Variants in PRKDC observed in about 807,000 individuals in gnomAD.
PRKDC encodes DNA-dependent protein kinase catalytic subunit.
PRKDC carries 82 observed loss-of-function variants against 486.9 expected under a neutral mutation model. That is an observed-to-expected ratio of 0.17 (90% CI 0.14 to 0.20). The LOEUF is 0.20. Ranked by LOEUF, PRKDC falls within the 10% of genes least tolerant of loss-of-function variation. The probability of loss-of-function intolerance (pLI) is 1.00; values close to 1 mark genes in which losing one functional copy is unlikely to be tolerated. For synonymous variants in PRKDC, 1,895 were observed against 1,837.0 expected (o/e 1.03, Z -0.81); for missense variants, 4,504 against 5,038.2 (o/e 0.89, Z 3.21).
At chr8:47,901,627 G>A (rs1222134059) in intron 27 of PRKDC, among the ~76,000 whole-genome samples, 1 of 152,184 alleles carries the variant, frequency 6.6e-6, no homozygotes, top group Admixed American at 6.5e-5. Flanking sequence ...TCTGTCCCTT[G>A]CATCTGCAGA....
intron 40 of PRKDC, among the ~76,000 whole-genome samples, chr8:47,877,510 T>A (rs904486808): frequency 6.6e-6 from 1 of 152,234 alleles, no homozygotes; most frequent in Admixed American, 6.5e-5. Flanking sequence ...CTGAACTTTG[T>A]TCAATCTGGG....
rs767469866 is a variant in PRKDC, at chr8:47,912,519, A to G, written c.2825T>C (p.Leu942Ser). The G allele has an allele frequency of 1.2e-6, 2 of 1,612,712 alleles. No individual in the cohort carries two copies. Among genetic ancestry groups the G allele is most frequent in the South Asian group, 2.2e-5 (2 of 90,808 alleles). Reference protein sequence around the residue: ...ELLHSMVMFMLGKATQMPEGG... With the variant: ...ELLHSMVMFMSGKATQMPEGG... The stretch of plus-strand genomic sequence containing the variant: ...TTCTGGCATCTGCGTGGCTTTGCCC[A>G]ACATAAACATAACCATGCTATGTAA... The change falls in exon 25 of 86, where the codon TTG (leucine) becomes TCG (serine). Residue 942 changes from leucine (L) to serine (S), a missense_variant. By Grantham distance (145) the Leu-to-Ser change is moderately radical (BLOSUM62 -2). Around this residue, in one of 6 missense-constraint regions of PRKDC, gnomAD observed 1,969 missense variants for 2,068.9 expected, o/e 0.95. Coordinates refer to ENST00000314191, the MANE Select transcript of PRKDC (RefSeq NM_006904.7).
chr8:47,857,189 A>G lies in PRKDC; in HGVS notation c.6576T>C (p.Thr2192=). 1 of 1,613,978 alleles carries G rather than the reference A, an allele frequency of 6.2e-7. No homozygotes were observed. Among genetic ancestry groups the G allele is most frequent in the South Asian group, 1.1e-5 (1 of 91,068 alleles). The part of the protein sequence containing the change: ...IHYMVVEIVA[T]ILSWTGLATP... Reference sequence around the variant, plus strand: ...TGGCCAAGCCTGTCCATGAAAGAATAGTGGCCACTATCTCAACCACCATGT... The same window carrying G: ...TGGCCAAGCCTGTCCATGAAAGAATGGTGGCCACTATCTCAACCACCATGT... The change falls in exon 49 of 86, where the codon ACT becomes ACC. Residue 2192 remains threonine, a synonymous_variant. Transcript: ENST00000314191.
At chr8:47,890,555 G>A in intron 31 of PRKDC, 75 bp from the exon 32 acceptor site, 4 of 1,151,628 alleles carry the variant, frequency 3.5e-6, no homozygotes, top group Non-Finnish European at 4.9e-6. Flanking sequence ...AATTGCTTCT[G>A]TAAGTATAGG....
intron 76 of PRKDC, among the ~76,000 whole-genome samples, 194 bp downstream of exon 76, chr8:47,788,709 CCTG>C (rs2086834044): frequency 6.6e-6 from 1 of 152,200 alleles, no homozygotes. Flanking sequence ...TACTGACTCA[CCTG>C]CTACCAGCCG....
In PRKDC at chr8:47,860,838, A is replaced by G. The variant is rs8178132; in HGVS notation, c.6058+61T>C. 2.0e-5 allele frequency: 27 copies of G among 1,349,266 alleles called. No homozygotes were observed. The South Asian group carries it at 3.2e-4, about 16-fold the overall frequency. 83.6% of individuals were successfully genotyped at this position (1,349,266 alleles called of 1,614,324 possible). Reference sequence around the variant, plus strand: ...TTTACTCCTCTATTTGTCTTAGAACAAAACAAAACAAAATAACCCATCGAT... The same window carrying G: ...TTTACTCCTCTATTTGTCTTAGAACGAAACAAAACAAAATAACCCATCGAT... On this transcript the variant is annotated intron_variant, in intron 45 of 85. Coordinates refer to ENST00000314191, the MANE Select transcript of PRKDC (RefSeq NM_006904.7).
At position 47,785,200 on chromosome 8, in the gene PRKDC, A is replaced by G. The variant is rs2086771483; in HGVS notation, c.11020T>C (p.Ser3674Pro). Residue 3674 changes from serine (S) to proline (P), a missense_variant, in exon 77 of 86, where the codon TCA becomes CCA. This residue lies in a region of PRKDC where 706 missense variants were observed against 945.0 expected (regional missense o/e 0.75). Coordinates refer to ENST00000314191, the MANE Select transcript of PRKDC (RefSeq NM_006904.7). ...NMLLLKMNKD[S>P]KPPGNLKECS... ...TCTTTCAGATTCCCAGGGGGCTTTGAGTCTTTGTTCATTTTTAAAAGTAGC... is the reference window on the plus strand; with the variant it reads ...TCTTTCAGATTCCCAGGGGGCTTTGGGTCTTTGTTCATTTTTAAAAGTAGC... 6.2e-7 allele frequency: 1 copy of G among 1,613,872 alleles called. No homozygotes were observed. The highest frequency in any genetic ancestry group is 8.5e-7 in the Non-Finnish European group (1 of 1,179,860).
chr8:47,847,858 A>G (rs1354709499), intron 54 of PRKDC, among the ~76,000 whole-genome samples: 1 of 147,824 alleles, frequency 6.8e-6, no homozygotes, highest in Non-Finnish European at 1.5e-5. Flanking sequence ...CTCAAAAGAC[A>G]TAAAAGCGGC....
intron 77 of PRKDC, 98 bp downstream of exon 77, chr8:47,785,015 G>A: frequency 8.6e-7 from 1 of 1,160,146 alleles, no homozygotes. Flanking sequence ...AGAAATAACT[G>A]TCAATATCCC....
rs189007458 is a variant in PRKDC at position 47,817,408 on chromosome 8, C to G, written c.9557+42G>C. The G allele has an allele frequency of 2.3e-5, 32 of 1,380,712 alleles. No individual in the cohort carries two copies. In the African/African-American group the frequency reaches 3.7e-4, roughly 16 times the overall value. The allele number at this position is 1,380,712 out of a possible 1,614,324, so 85.5% of individuals were successfully genotyped here. ...GGAAGAAAAACCATTCCAACAATTT[C>G]AAAAAACAATCCACATTTGACTGAA... is the stretch of plus-strand genomic sequence containing the variant. On this transcript the variant is annotated intron_variant, in intron 68 of 85. Transcript: ENST00000314191.
chr8:47,900,443 C>G lies in PRKDC; in HGVS notation c.3294G>C (p.Gln1098His), dbSNP rs767540786. 2 of 1,610,548 alleles carry G rather than the reference C, an allele frequency of 1.2e-6. No individual in the cohort carries two copies. The highest frequency in any genetic ancestry group is 2.7e-5 in the African/African-American group (2 of 74,908). The change falls in exon 28 of 86, where the codon CAG (glutamine) becomes CAC (histidine). Residue 1098 changes from glutamine (Q) to histidine (H), a missense_variant. This residue lies in a region of PRKDC where 1,969 missense variants were observed against 2,068.9 expected (regional missense o/e 0.95). Coordinates refer to ENST00000314191, the MANE Select transcript of PRKDC (RefSeq NM_006904.7). ...EFREEESLVE[Q>H]FVFEALVIYM... Reference sequence around the variant, plus strand: ...ATATCACCAAGGCTTCAAACACAAACTGTTCCACCAGAGACTCTTCTTCCC... The same window carrying G: ...ATATCACCAAGGCTTCAAACACAAAGTGTTCCACCAGAGACTCTTCTTCCC...
chr8:47,848,653 G>GAA (rs200253108), intron 54 of PRKDC, among the ~76,000 whole-genome samples: 11 of 109,188 alleles, frequency 1.0e-4, no homozygotes, highest in Admixed American at 3.6e-4. Flanking sequence ...TGAAAAAAAT[G>GAA]AAAAAAAAAA....
chr8:47,828,449 A>G (rs1022113626), intron 61 of PRKDC, 102 bp from the exon 62 acceptor site: 2 of 937,982 alleles, frequency 2.1e-6, no homozygotes, highest in Non-Finnish European at 3.2e-6. Flanking sequence ...TTGCAAACAC[A>G]TCTATTATAC....
At chr8:47,851,723 C>T (rs2088409122) in intron 52 of PRKDC, among the ~76,000 whole-genome samples, 2 of 152,182 alleles carry the variant, frequency 1.3e-5, no homozygotes, top group Non-Finnish European at 2.9e-5. Flanking sequence ...GTGAGTGAGG[C>T]CAAAGCCGAG....
rs774783638 is a variant in PRKDC, at chr8:47,824,007, A to C, written c.8784-11T>G. 1.9e-6 allele frequency: 3 copies of C among 1,567,288 alleles called. No homozygotes were observed. The highest frequency in any genetic ancestry group is 1.7e-6 in the Non-Finnish European group (2 of 1,152,686). On this transcript the variant is annotated splice_polypyrimidine_tract_variant and intron_variant, in intron 63 of 85. Coordinates refer to ENST00000314191, the MANE Select transcript of PRKDC (RefSeq NM_006904.7). ...ATTGATCTATACAGCCTACAAAACA[A>C]ATCAAAAAGGCCAAATCAATGAACA...
At position 47,879,311 on chromosome 8, in the gene PRKDC, T is replaced by C. The variant is rs959364224; in HGVS notation, c.5235+180A>G. ...CAGTATGTGCTTCCTCTTCTACAAA[T>C]AATGACCCTAGTAAAAATGTACTGT... is the stretch of plus-strand genomic sequence containing the variant. On this transcript the variant is annotated intron_variant, in intron 39 of 85. Transcript: ENST00000314191. Among the ~76,000 whole-genome samples the C allele has an allele frequency of 2.0e-5, 3 of 152,166 alleles. No homozygotes were observed. In the East Asian group the frequency reaches 5.8e-4, roughly 29 times the overall value.
In PRKDC at chr8:47,821,726, C is replaced by T. The variant is rs761935432; in HGVS notation, c.8989G>A (p.Ala2997Thr). ...AGGTGGTTGTAACAGTCAAGGGATGCAAGTTCCCAAAAATCCTTCTCGGCT... is the reference window on the plus strand; with the variant it reads ...AGGTGGTTGTAACAGTCAAGGGATGTAAGTTCCCAAAAATCCTTCTCGGCT... Reference protein sequence around the residue: ...TEAEKDFWELASLDCYNHLAE... With the variant: ...TEAEKDFWELTSLDCYNHLAE... Residue 2997 changes from alanine (A) to threonine (T), a missense_variant, in exon 65 of 86, where the codon GCA (alanine) becomes ACA (threonine). Physicochemically the swap from Ala to Thr is moderately conservative, Grantham distance 58 (BLOSUM62 0). Around this residue, in one of 6 missense-constraint regions of PRKDC, gnomAD observed 1,592 missense variants for 1,724.6 expected, o/e 0.92. Coordinates refer to ENST00000314191, the MANE Select transcript of PRKDC (RefSeq NM_006904.7). 9 of 1,599,036 alleles carry T rather than the reference C, an allele frequency of 5.6e-6. No individual in the cohort carries two copies. Among genetic ancestry groups the T allele is most frequent in the Non-Finnish European group, 6.0e-6 (7 of 1,172,794 alleles).
At chr8:47,876,298 T>C (rs2089091274) in intron 40 of PRKDC, among the ~76,000 whole-genome samples, 1 of 152,190 alleles carries the variant, frequency 6.6e-6, no homozygotes, top group Admixed American at 6.5e-5. Flanking sequence ...TATAGATAAA[T>C]GCCAATTTTA....
chr8:47,959,193 T>C lies in PRKDC; in HGVS notation c.154+780A>G, dbSNP rs576870294. On this transcript the variant is annotated intron_variant, in intron 1 of 85. Transcript: ENST00000314191. ...TACAGGAGATCCACATAATTAAGTATTTGAATATTTAAAATGCTAAAAAGA... is the reference window on the plus strand; with the variant it reads ...TACAGGAGATCCACATAATTAAGTACTTGAATATTTAAAATGCTAAAAAGA... The C allele has an allele frequency of 5.9e-5, 9 of 152,292 alleles. No individual in the cohort carries two copies. In the South Asian group the frequency reaches 1.2e-3, roughly 21 times the overall value. The allele number at this position is 152,292 out of a possible 1,614,324, so 9.4% of individuals were successfully genotyped here. A position where few individuals can be genotyped will look rare whatever the true frequency, so the allele number is the denominator to read the frequency against.
Sources: allele counts gnomAD v4.1 joint callset (sites outside exome capture counted in the v4.1 genomes callset), GRCh38; gene constraint gnomAD v4.1.1; regional missense constraint gnomAD v4.1.1; transcripts MANE v1.5; gene names NCBI Gene and HGNC (gene_info 2026-07-23, HGNC 2026-07-21).